The following LRRC2 variants were observed in gnomAD, a reference collection of about 807,000 sequenced individuals.
LRRC2 encodes the protein leucine-rich repeat-containing protein 2.
LRRC2 carries 27 observed loss-of-function variants against 40.2 expected under a neutral mutation model. The observed-to-expected ratio is 0.67, with a 90% CI of 0.49 to 0.93. The LOEUF (loss-of-function observed/expected upper bound fraction) is 0.93, where lower values mean the gene tolerates loss of function less well. LRRC2 is among the 40% of genes least tolerant of loss of function. LRRC2 has a pLI of 0.00. For synonymous variants in LRRC2, 147 were observed against 158.9 expected (o/e 0.92, Z 0.56); for missense variants, 402 against 439.6 (o/e 0.91, Z 0.76).
chr3:46,533,889 C>G (rs1278946589), intron 4 of LRRC2, among the ~76,000 whole-genome samples: 2 of 145,550 alleles, frequency 1.4e-5, no homozygotes, highest in Non-Finnish European at 3.0e-5. Context: ...TTTCTTCCTT[C>G]CTTCCTTTCT....
chr3:46,533,799 G>GTTTCTTTCTTTCTTTC (rs139748444), intron 4 of LRRC2, among the ~76,000 whole-genome samples: 6 of 60,822 alleles, frequency 9.9e-5, no homozygotes, highest in African/African-American at 2.3e-4. Flanking sequence ...TTCTTTCTTT[G>GTTTCTTTCTTTCTTTC]TTTCTTTCTT....
intron 6 of LRRC2, among the ~76,000 whole-genome samples, chr3:46,529,115 C>CAAAA (rs71942983): frequency 7.0e-6 from 1 of 142,208 alleles, no homozygotes. Flanking sequence ...GACTCTGTCT[C>CAAAA]AAAAAAAAAA....
In LRRC2 at chr3:46,518,271, C is replaced by T. The variant is rs1289961831; in HGVS notation, c.*743G>A. 1 of 152,054 alleles carries T rather than the reference C, an allele frequency of 6.6e-6. No homozygotes were observed. Among genetic ancestry groups the T allele is most frequent in the Non-Finnish European group, 1.5e-5 (1 of 68,012 alleles). 9.4% of individuals were successfully genotyped at this position (152,054 alleles called of 1,614,324 possible). ...ATATAAACTCAAGGAAGATTATTCT[C>T]AGTAAAAGAAACTCTTTCAAAATAA... On this transcript the variant is annotated 3_prime_UTR_variant, in exon 9 of 9. Transcript: ENST00000395905.
chr3:46,518,896 A>G lies in LRRC2; in HGVS notation c.*118T>C, dbSNP rs1419133183. The stretch of plus-strand genomic sequence containing the variant: ...AAAACCATTTTTTTTAGCAACTATG[A>G]TAGTGGTTTCTAGACTTTGTCCTTA... On this transcript the variant is annotated 3_prime_UTR_variant, in exon 9 of 9. Coordinates refer to ENST00000395905, the MANE Select transcript of LRRC2 (RefSeq NM_024512.5). The G allele has an allele frequency of 1.6e-5, 12 of 743,952 alleles. No individual in the cohort carries two copies. Among genetic ancestry groups the G allele is most frequent in the Non-Finnish European group, 2.8e-5 (12 of 425,226 alleles). 46.1% of individuals were successfully genotyped at this position (743,952 alleles called of 1,614,324 possible). A position where few individuals can be genotyped will look rare whatever the true frequency, so the allele number is the denominator to read the frequency against.
At chr3:46,565,232 C>T (rs934951693) in intron 1 of LRRC2, among the ~76,000 whole-genome samples, 5 of 152,252 alleles carry the variant, frequency 3.3e-5, no homozygotes, top group Admixed American at 6.5e-5. Flanking sequence ...GCTGCCTGGG[C>T]GGGAGCCCTG....
chr3:46,550,422 C>G (rs1347348409), intron 2 of LRRC2, among the ~76,000 whole-genome samples: 2 of 119,796 alleles, frequency 1.7e-5, no homozygotes, highest in South Asian at 2.7e-4. Context: ...CTCGCTCTGT[C>G]GCCCAGGCTG....
At chr3:46,537,512 C>A (rs959364391) in intron 4 of LRRC2, among the ~76,000 whole-genome samples, 2 of 152,204 alleles carry the variant, frequency 1.3e-5, no homozygotes, top group Non-Finnish European at 2.9e-5. Context: ...GCTTCTAGCC[C>A]AGGCTCTGAA....
rs1704186094 is a variant in LRRC2, at chr3:46,532,867, T to TG, written c.532_533insC (p.Tyr178SerfsTer13). ...CAATTCTGGAGGAATGCTCTTCAGA[T>TG]AGTTGAAACCCACATTGAGTTCTTT... On this transcript the variant is annotated frameshift_variant, in exon 5 of 9. Transcript: ENST00000395905. LOFTEE classifies it high-confidence loss of function. 6.2e-7 allele frequency: 1 copy of TG among 1,613,900 alleles called. No individual in the cohort carries two copies. Among genetic ancestry groups the TG allele is most frequent in the Non-Finnish European group, 8.5e-7 (1 of 1,179,912 alleles).
At chr3:46,549,278 G>A (rs1370230769) in intron 2 of LRRC2, among the ~76,000 whole-genome samples, 1 of 152,046 alleles carries the variant, frequency 6.6e-6, no homozygotes, top group Non-Finnish European at 1.5e-5. Flanking sequence ...TTACTCCTTT[G>A]AACAGTAAAC....
intron 5 of LRRC2, among the ~76,000 whole-genome samples, chr3:46,530,703 ATGC>A (rs1293857940): frequency 6.6e-6 from 1 of 152,244 alleles, no homozygotes; most frequent in African/African-American, 2.4e-5. Flanking sequence ...AAGAGAGCTT[ATGC>A]AGAGGAACTC....
At chr3:46,544,070 C>CACT in intron 3 of LRRC2, among the ~76,000 whole-genome samples, 1 of 97,836 alleles carries the variant, frequency 1.0e-5, no homozygotes, top group Middle Eastern at 7.2e-3. Flanking sequence ...TAAAAACCAC[C>CACT]TCGGATCACA....
At chr3:46,560,966 T>C (rs1421727345) in intron 1 of LRRC2, among the ~76,000 whole-genome samples, 1 of 152,150 alleles carries the variant, frequency 6.6e-6, no homozygotes, top group African/African-American at 2.4e-5. Flanking sequence ...AAAGGTTAGA[T>C]TAAGGAAAAT....
At chr3:46,544,152 T>C (rs1056465975) in intron 3 of LRRC2, among the ~76,000 whole-genome samples, 2 of 133,128 alleles carry the variant, frequency 1.5e-5, no homozygotes, top group Non-Finnish European at 3.5e-5. Flanking sequence ...AGTCACAAAA[T>C]GGCAGGGTAA....
chr3:46,519,030 A>G lies in LRRC2; in HGVS notation c.1100T>C (p.Phe367Ser). The G allele has an allele frequency of 6.2e-7, 1 of 1,609,512 alleles. No homozygotes were observed. Among genetic ancestry groups the G allele is most frequent in the Non-Finnish European group, 8.5e-7 (1 of 1,175,904 alleles). The part of the protein sequence containing the change: ...SVPSYTTKVS[F>S]SLQL ...TGATGGATATCAAAGTTGAAGGCTA[A>G]AAGACACTTTGGTGGTATAGCTGGG... Residue 367 changes from phenylalanine to serine, a missense_variant, in exon 9 of 9, where the codon TTT (phenylalanine) becomes TCT (serine). Phe to Ser is a radical substitution (Grantham distance 155). Coordinates refer to ENST00000395905, the MANE Select transcript of LRRC2 (RefSeq NM_024512.5).
chr3:46,541,615 A>C (rs539892738), intron 3 of LRRC2, among the ~76,000 whole-genome samples: 81 of 152,340 alleles, frequency 5.3e-4, no homozygotes, highest in South Asian at 1.9e-3. Flanking sequence ...GACTAGCAGC[A>C]GAAACAACTG....
In LRRC2 at chr3:46,532,877, C is replaced by T. The variant is rs1704186252; in HGVS notation, c.523G>A (p.Gly175Ser). 6.2e-7 allele frequency: 1 copy of T among 1,613,790 alleles called. No homozygotes were observed. The highest frequency in any genetic ancestry group is 8.5e-7 in the Non-Finnish European group (1 of 1,179,912). ...GGAATGCTCTTCAGATAGTTGAAACCCACATTGAGTTCTTTCAGGTTCTTC... is the reference window on the plus strand; with the variant it reads ...GGAATGCTCTTCAGATAGTTGAAACTCACATTGAGTTCTTTCAGGTTCTTC... The part of the protein sequence containing the change: ...CLKNLKELNV[G>S]FNYLKSIPPE... Residue 175 changes from glycine (G) to serine (S), a missense_variant, in exon 5 of 9, where the codon GGT (glycine) becomes AGT (serine). Physicochemically the swap from Gly to Ser is moderately conservative, Grantham distance 56 (BLOSUM62 0). Coordinates refer to ENST00000395905, the MANE Select transcript of LRRC2 (RefSeq NM_024512.5).
chr3:46,554,213 G>A (rs1339882448), intron 1 of LRRC2, among the ~76,000 whole-genome samples: 1 of 151,722 alleles, frequency 6.6e-6, no homozygotes, highest in Non-Finnish European at 1.5e-5. Context: ...AGAGATGGTG[G>A]TCCCACTATG....
Position 46,545,170 on chromosome 3 carries a change from T to C in LRRC2, c.209A>G (p.Asp70Gly). 6.2e-7 allele frequency: 1 copy of C among 1,614,186 alleles called. No homozygotes were observed. Among genetic ancestry groups the C allele is most frequent in the Non-Finnish European group, 8.5e-7 (1 of 1,180,034 alleles). Residue 70 changes from aspartate to glycine, a missense_variant, in exon 3 of 9, where the codon GAC (aspartate) becomes GGC (glycine). Transcript: ENST00000395905. ...CTTGTCCAGAAGCCGCACGCTGGTG[T>C]CTATGAAGCCATTCTTGCAGTATAC... ...QAVYCKNGFI[D>G]TSVRLLDKIE... is the part of the protein sequence containing the mutation.
At chr3:46,537,970 G>A (rs1301254378) in intron 4 of LRRC2, among the ~76,000 whole-genome samples, 1 of 152,212 alleles carries the variant, frequency 6.6e-6, no homozygotes, top group Non-Finnish European at 1.5e-5. Context: ...TGGTTAGCAA[G>A]GCTGCTCTTT....
Sources: allele counts gnomAD v4.1 joint callset (sites outside exome capture counted in the v4.1 genomes callset), GRCh38; gene constraint gnomAD v4.1.1; transcripts MANE v1.5; gene names NCBI Gene and HGNC (gene_info 2026-07-23, HGNC 2026-07-21).